GPC1: variants seen among roughly 807,000 people sequenced by gnomAD.
GPC1 encodes the protein glypican-1.
In GPC1, 26 loss-of-function variants were observed where a neutral mutation model predicts 51.5. That is an observed-to-expected ratio of 0.50 (90% CI 0.37 to 0.70). The LOEUF (loss-of-function observed/expected upper bound fraction) is 0.70, where lower values mean the gene tolerates loss of function less well. Ranked by LOEUF, GPC1 falls within the 30% of genes least tolerant of loss-of-function variation. The pLI, the probability that GPC1 is intolerant of heterozygous loss-of-function variation, is 0.00. For missense variants in GPC1, 775 were observed against 800.5 expected, an observed-to-expected ratio of 0.97 and a Z score of 0.38; for synonymous variants, 380 against 348.3, an observed-to-expected ratio of 1.09 and a Z score of -1.01.
chr2:240,458,850 C>T, intron 1 of GPC1, 180 bp from the exon 2 acceptor site: 1 of 587,064 alleles, frequency 1.7e-6, no homozygotes, highest in Non-Finnish European at 3.0e-6. Context: ...GAAGCCAGGC[C>T]TTTTCCTCCC....
chr2:240,449,034 C>T (rs1419738346), intron 1 of GPC1, among the ~76,000 whole-genome samples: 1 of 152,212 alleles, frequency 6.6e-6, no homozygotes, highest in East Asian at 1.9e-4. Flanking sequence ...GGGGAAGCCA[C>T]CTAACCTCCG....
intron 7 of GPC1, 40 bp downstream of exon 7, chr2:240,465,250 C>T (rs2074251219): frequency 2.5e-6 from 4 of 1,568,716 alleles, no homozygotes; most frequent in South Asian, 1.2e-5. Flanking sequence ...CCCTCCCATG[C>T]CGCCTCCATT....
chr2:240,454,428 G>A (rs1250615185), intron 1 of GPC1, among the ~76,000 whole-genome samples: 1 of 152,212 alleles, frequency 6.6e-6, no homozygotes, highest in Non-Finnish European at 1.5e-5. Context: ...AGAGCAGATG[G>A]GCCAGGGGCT....
intron 1 of GPC1, among the ~76,000 whole-genome samples, chr2:240,441,952 A>T (rs2074020049): frequency 6.6e-6 from 1 of 152,066 alleles, no homozygotes; most frequent in South Asian, 2.1e-4. Flanking sequence ...TACAGGTGTG[A>T]GGGGCATACC....
chr2:240,464,628 T>C lies in GPC1; in HGVS notation c.896T>C (p.Leu299Pro). 3.1e-6 allele frequency: 5 copies of C among 1,613,292 alleles called. No individual in the cohort carries two copies. Among genetic ancestry groups the C allele is most frequent in the Non-Finnish European group, 4.2e-6 (5 of 1,179,892 alleles). Residue 299 changes from leucine to proline, a missense_variant, in exon 5 of 9, where the codon CTC (leucine) becomes CCC (proline). Physicochemically the swap from Leu to Pro is moderately conservative, Grantham distance 98. Transcript: ENST00000264039. ...EWRNLLDSMVLITDKFWGTSG... is the reference protein window; with the variant it reads ...EWRNLLDSMVPITDKFWGTSG... Reference sequence around the variant, plus strand: ...ACGCCTGTCCTAGACTCCATGGTGCTCATCACCGACAAGTTCTGGGGTACA... The same window carrying C: ...ACGCCTGTCCTAGACTCCATGGTGCCCATCACCGACAAGTTCTGGGGTACA...
intron 2 of GPC1, among the ~76,000 whole-genome samples, chr2:240,461,621 G>A (rs528442807): frequency 1.3e-5 from 2 of 152,158 alleles, no homozygotes; most frequent in Admixed American, 6.5e-5. Context: ...AGACAGGCCC[G>A]GGGTGCTCAC....
chr2:240,436,662 G>C (rs374894844), intron 1 of GPC1, among the ~76,000 whole-genome samples: 7 of 152,142 alleles, frequency 4.6e-5, no homozygotes, highest in African/African-American at 1.4e-4. Context: ...GACCCCCTCG[G>C]GGGGTAGTGC....
At chr2:240,439,455 C>G (rs1424708602) in intron 1 of GPC1, among the ~76,000 whole-genome samples, 2 of 152,206 alleles carry the variant, frequency 1.3e-5, no homozygotes, top group East Asian at 3.9e-4. Flanking sequence ...CCCAGCCGCT[C>G]CTGTGCCCAG....
intron 1 of GPC1, among the ~76,000 whole-genome samples, chr2:240,456,416 G>T (rs1009261917): frequency 6.6e-6 from 1 of 152,148 alleles, no homozygotes; most frequent in Admixed American, 6.5e-5. Flanking sequence ...GAGTGCTTGA[G>T]CCCTAGTCCT....
In GPC1 at chr2:240,464,972, G is replaced by A; in HGVS notation, c.1131G>A (p.Lys377=). The A allele has an allele frequency of 6.4e-7, 1 of 1,555,262 alleles. No homozygotes were observed. The highest frequency in any genetic ancestry group is 1.4e-5 in the African/African-American group (1 of 73,530). Residue 377 remains lysine, a synonymous_variant, in exon 6 of 9, where the codon AAG becomes AAA. Coordinates refer to ENST00000264039, the MANE Select transcript of GPC1 (RefSeq NM_002081.3). The part of the protein sequence containing the change: ...RERPPSGTLE[K]LVSEAKAQLR... Reference sequence around the variant, plus strand: ...GGCCACCTTCAGGCACGCTGGAGAAGCTGGTGAGTGGCCCCTGCGTGTCCA... The same window carrying A: ...GGCCACCTTCAGGCACGCTGGAGAAACTGGTGAGTGGCCCCTGCGTGTCCA...
At position 240,448,869 on chromosome 2, in the gene GPC1, C is replaced by T. The variant is rs2074071958; in HGVS notation, c.167-10161C>T. Among the ~76,000 whole-genome samples the T allele has an allele frequency of 6.6e-6, 1 of 152,062 alleles. No individual in the cohort carries two copies. Among genetic ancestry groups the T allele is most frequent in the Admixed American group, 6.5e-5 (1 of 15,284 alleles). Reference sequence around the variant, plus strand: ...GGCCAGCGAGGGTGGCCAGGCCTGACCCTAGTTTTGCAAGAGTGGCCTAAT... The same window carrying T: ...GGCCAGCGAGGGTGGCCAGGCCTGATCCTAGTTTTGCAAGAGTGGCCTAAT... On this transcript the variant is annotated intron_variant, in intron 1 of 8. Transcript: ENST00000264039. The surrounding 1 kb of genome is among the most constrained non-coding windows in gnomAD (Gnocchi z 4.5).
chr2:240,458,709 C>T (rs556043421), intron 1 of GPC1: 1 of 317,970 alleles, frequency 3.1e-6, no homozygotes, highest in Non-Finnish European at 5.8e-6. Flanking sequence ...CACTTGCACA[C>T]AGGAACCTGA....
Position 240,435,855 on chromosome 2 carries a change from G to T in GPC1, c.-64G>T, listed in dbSNP as rs1172707200. On this transcript the variant is annotated 5_prime_UTR_variant, in exon 1 of 9. Transcript: ENST00000264039. ...TCTGCCCTTCGCGGGCGGGAACTGC[G>T]CAGGACCCGGCCAGGATCCGAGAGA... 6.0e-5 allele frequency: 65 copies of T among 1,078,712 alleles called. No homozygotes were observed. The highest frequency in any genetic ancestry group is 7.4e-5 in the Non-Finnish European group (63 of 853,650). The allele number at this position is 1,078,712 out of a possible 1,614,324, so 66.8% of individuals were successfully genotyped here. A position where few individuals can be genotyped will look rare whatever the true frequency, so the allele number is the denominator to read the frequency against.
In GPC1 at chr2:240,459,031, T is replaced by G. The variant is rs755189307; in HGVS notation, c.168T>G (p.Gly56=). Residue 56 remains glycine, a splice_region_variant and synonymous_variant, in exon 2 of 9, where the codon GGT becomes GGG. Coordinates refer to ENST00000264039, the MANE Select transcript of GPC1 (RefSeq NM_002081.3). ...CCTCACACTGGCCTTTCCCCACAGG[T>G]GAGCACCTGCGGATCTGTCCCCAGG... The part of the protein sequence containing the change: ...LSDVPQAEIS[G]EHLRICPQGY... The G allele has an allele frequency of 6.2e-7, 1 of 1,612,546 alleles. No individual in the cohort carries two copies. Among genetic ancestry groups the G allele is most frequent in the Non-Finnish European group, 8.5e-7 (1 of 1,179,760 alleles).
intron 4 of GPC1, 69 bp downstream of exon 4, chr2:240,463,581 C>T (rs571016789): frequency 8.7e-6 from 12 of 1,385,548 alleles, no homozygotes; most frequent in South Asian, 3.7e-5. Context: ...TCCTGGGGGG[C>T]GGGTGGTCCC....
intron 1 of GPC1, chr2:240,451,265 C>T (rs1362249923): frequency 2.1e-6 from 1 of 470,924 alleles, no homozygotes; most frequent in Non-Finnish European, 4.4e-6. Flanking sequence ...GATGGACGGG[C>T]CTGCGCGGCG....
intron 1 of GPC1, among the ~76,000 whole-genome samples, chr2:240,444,586 T>C (rs1048614048): frequency 1.8e-5 from 2 of 111,858 alleles, no homozygotes; most frequent in African/African-American, 2.8e-5. Context: ...GCTTCCTGGG[T>C]GCGCCATCAG....
intron 1 of GPC1, chr2:240,456,773 G>A (rs770347845): frequency 5.3e-6 from 2 of 374,664 alleles, no homozygotes; most frequent in Non-Finnish European, 1.1e-5. Flanking sequence ...CCCCACGGGG[G>A]TGGGACTGGG....
intron 1 of GPC1, among the ~76,000 whole-genome samples, chr2:240,456,402 C>G (rs890363432): frequency 3.3e-5 from 5 of 152,092 alleles, no homozygotes; most frequent in Non-Finnish European, 7.4e-5. Flanking sequence ...ACCCTCCTCC[C>G]TAGGAGTGCT....
Sources: allele counts gnomAD v4.1 joint callset (sites outside exome capture counted in the v4.1 genomes callset), GRCh38; gene constraint gnomAD v4.1.1; non-coding constraint Gnocchi (gnomAD v3.1); transcripts MANE v1.5; gene names NCBI Gene and HGNC (gene_info 2026-07-23, HGNC 2026-07-21).